Variants in TIMM22 observed in about 807,000 individuals in gnomAD.
TIMM22 encodes the protein mitochondrial import inner membrane translocase subunit Tim22.
In TIMM22, 12 loss-of-function variants were observed where a neutral mutation model predicts 18.3. The ratio of observed to expected loss-of-function variants is 0.65; its 90% CI spans 0.42 to 1.06. The LOEUF (loss-of-function observed/expected upper bound fraction) is 1.06, where lower values mean the gene tolerates loss of function less well. Among genes scored for constraint, TIMM22 ranks in the 50% least tolerant of loss-of-function variants. The pLI is 0.00. For missense variants in TIMM22, 278 were observed against 252.8 expected (o/e 1.10, Z -0.68); for synonymous variants, 107 against 98.5 (o/e 1.09, Z -0.51).
intron 1 of TIMM22, among the ~76,000 whole-genome samples, chr17:998,003 T>C (rs2069701842): frequency 2.0e-5 from 3 of 152,214 alleles, no homozygotes; most frequent in Admixed American, 2.0e-4. Flanking sequence ...GCAGGAACAC[T>C]GCAGAGGAAG....
Position 1,001,399 on chromosome 17 carries a change from G to A in TIMM22, c.*311G>A. The A allele has an allele frequency of 3.1e-6, 1 of 324,090 alleles. No individual in the cohort carries two copies. Among genetic ancestry groups the A allele is most frequent in the Admixed American group, 4.4e-5 (1 of 22,562 alleles). The allele number at this position is 324,090 out of a possible 1,614,324, so 20.1% of individuals were successfully genotyped here. On this transcript the variant is annotated 3_prime_UTR_variant, in exon 4 of 4. Coordinates refer to ENST00000327158, the MANE Select transcript of TIMM22 (RefSeq NM_013337.4). ...CCACAAAGCTTCAGGCCTGACCACA[G>A]CTGGCCCTCTAGGTTGTTTGGTGTT...
At position 1,002,920 on chromosome 17, in the gene TIMM22, T is replaced by C. The variant is rs992150680; in HGVS notation, c.*1832T>C. Reference sequence around the variant, plus strand: ...GCCTATTCACTCGAGAGATGAATAGTTTCCTGTTTTCGATGGCTGGGGAGC... The same window carrying C: ...GCCTATTCACTCGAGAGATGAATAGCTTCCTGTTTTCGATGGCTGGGGAGC... On this transcript the variant is annotated 3_prime_UTR_variant, in exon 4 of 4. Transcript: ENST00000327158. The C allele has an allele frequency of 6.6e-6, 1 of 152,160 alleles. No individual in the cohort carries two copies. The highest frequency in any genetic ancestry group is 2.4e-5 in the African/African-American group (1 of 41,444). The allele number at this position is 152,160 out of a possible 1,614,324, so 9.4% of individuals were successfully genotyped here.
rs1357316013 is a variant in TIMM22, at chr17:1,002,766, A to T, written c.*1678A>T. ...CTGTCAAAGTCCTAGGATGCCTGGG[A>T]TCTTCCATCTTTCAGTCTAGCACGT... is the stretch of plus-strand genomic sequence containing the variant. On this transcript the variant is annotated 3_prime_UTR_variant, in exon 4 of 4. Transcript: ENST00000327158. 1 of 152,282 alleles carries T rather than the reference A, an allele frequency of 6.6e-6. No individual in the cohort carries two copies. Among genetic ancestry groups the T allele is most frequent in the Non-Finnish European group, 1.5e-5 (1 of 68,032 alleles). 9.4% of individuals were successfully genotyped at this position (152,282 alleles called of 1,614,324 possible).
intron 1 of TIMM22, among the ~76,000 whole-genome samples, chr17:998,299 C>T (rs1021837354): frequency 3.3e-5 from 5 of 152,210 alleles, no homozygotes; most frequent in Non-Finnish European, 5.9e-5. Flanking sequence ...AGCTGTGTGG[C>T]CTTGGGAGAA....
intron 1 of TIMM22, among the ~76,000 whole-genome samples, chr17:998,155 A>C (rs1407748338): frequency 6.6e-6 from 1 of 152,162 alleles, no homozygotes. Context: ...TTTTTCCCTT[A>C]AGTTGAAGGG....
chr17:1,000,910 T>G (rs1650852587), intron 3 of TIMM22, 102 bp from the exon 4 acceptor site: 1 of 1,154,258 alleles, frequency 8.7e-7, no homozygotes, highest in South Asian at 1.2e-5. Context: ...CTTACAGTGC[T>G]TAAGCTCATT....
Position 1,003,028 on chromosome 17 carries a change from C to T in TIMM22, c.*1940C>T, listed in dbSNP as rs7219458. On this transcript the variant is annotated 3_prime_UTR_variant, in exon 4 of 4. Transcript: ENST00000327158. ...GAATAAACTCAGTGTCCAGTTGCTT[C>T]GGCTGGTGGGAGCCAATATTCACGC... The T allele has an allele frequency of 0.78, 119,159 of 152,004 alleles. 46,890 individuals carry two copies. Among genetic ancestry groups the T allele is most frequent in the Middle Eastern group, 0.86 (253 of 294 alleles). The allele number at this position is 152,004 out of a possible 1,614,324, so 9.4% of individuals were successfully genotyped here. A position where few individuals can be genotyped will look rare whatever the true frequency, so the allele number is the denominator to read the frequency against.
Position 1,003,647 on chromosome 17 carries a change from CT to C in TIMM22, c.*2561del, listed in dbSNP as rs1290312206. On this transcript the variant is annotated 3_prime_UTR_variant, in exon 4 of 4. Transcript: ENST00000327158. ...AGACAAAAAAATATATCCTTACCAACTTATTAAAGTCAGATATTCATGAAGG... is the reference window on the plus strand; with the variant it reads ...AGACAAAAAAATATATCCTTACCAACTATTAAAGTCAGATATTCATGAAGG... The C allele has an allele frequency of 6.6e-6, 1 of 152,490 alleles. No homozygotes were observed. The highest frequency in any genetic ancestry group is 1.5e-5 in the Non-Finnish European group (1 of 68,046). 9.4% of individuals were successfully genotyped at this position (152,490 alleles called of 1,614,324 possible). A position where few individuals can be genotyped will look rare whatever the true frequency, so the allele number is the denominator to read the frequency against.
In TIMM22 at chr17:1,002,179, T is replaced by C. The variant is rs1450993328; in HGVS notation, c.*1091T>C. 6.6e-6 allele frequency: 1 copy of C among 150,628 alleles called. No individual in the cohort carries two copies. Among genetic ancestry groups the C allele is most frequent in the African/African-American group, 2.4e-5 (1 of 41,018 alleles). 9.3% of individuals were successfully genotyped at this position (150,628 alleles called of 1,614,324 possible). Reference sequence around the variant, plus strand: ...AAAAAAAAAAAAAATCCGTCTACAGTTGGGCTTCAGCACTGGTGCTGCTTT... The same window carrying C: ...AAAAAAAAAAAAAATCCGTCTACAGCTGGGCTTCAGCACTGGTGCTGCTTT... On this transcript the variant is annotated 3_prime_UTR_variant, in exon 4 of 4. Transcript: ENST00000327158.
rs57081954 is a variant in TIMM22 at position 999,323 on chromosome 17, CTATATATA to C, written c.436-160_436-153del. ...TGCAGGAAGCATCTATGAACGCATA[CTATATATA>C]TATATATATATATATATATATATAT... On this transcript the variant is annotated intron_variant, in intron 2 of 3. Coordinates refer to ENST00000327158, the MANE Select transcript of TIMM22 (RefSeq NM_013337.4). Among the ~76,000 whole-genome samples, 787 of 120,554 alleles carry C rather than the reference CTATATATA, an allele frequency of 6.5e-3. 27 individuals are homozygous for C. Among genetic ancestry groups the C allele is most frequent in the African/African-American group, 0.023 (620 of 26,772 alleles). 79.1% of individuals were successfully genotyped at this position (120,554 alleles called of 152,430 possible). A position where few individuals can be genotyped will look rare whatever the true frequency, so the allele number is the denominator to read the frequency against.
At chr17:1,000,674 A>G (rs1442826552) in intron 3 of TIMM22, among the ~76,000 whole-genome samples, 1 of 152,194 alleles carries the variant, frequency 6.6e-6, no homozygotes, top group Non-Finnish European at 1.5e-5. Context: ...TCACCTTCCC[A>G]GGAATGTATT....
chr17:1,001,428 G>A lies in TIMM22; in HGVS notation c.*340G>A, dbSNP rs1235326543. The A allele has an allele frequency of 1.1e-5, 3 of 270,886 alleles. No homozygotes were observed. Among genetic ancestry groups the A allele is most frequent in the Admixed American group, 9.8e-5 (2 of 20,426 alleles). The allele number at this position is 270,886 out of a possible 1,614,324, so 16.8% of individuals were successfully genotyped here. On this transcript the variant is annotated 3_prime_UTR_variant, in exon 4 of 4. Coordinates refer to ENST00000327158, the MANE Select transcript of TIMM22 (RefSeq NM_013337.4). The stretch of plus-strand genomic sequence containing the variant: ...GCCCTCTAGGTTGTTTGGTGTTGTG[G>A]GCACAGAGGTGACAGTGTCTCTGCA...
At chr17:999,458 A>C (rs2069720904) in intron 2 of TIMM22, 54 bp from the exon 3 acceptor site, 16 of 1,590,998 alleles carry the variant, frequency 1.0e-5, no homozygotes, top group Non-Finnish European at 1.4e-5. Context: ...TTCCTCCTTA[A>C]TGGTCTGCCT....
At position 997,364 on chromosome 17, in the gene TIMM22, G is replaced by T. The variant is rs192171554; in HGVS notation, c.222G>T (p.Ala74=). The T allele has an allele frequency of 1.2e-6, 2 of 1,613,126 alleles. No individual in the cohort carries two copies. Among genetic ancestry groups the T allele is most frequent in the African/African-American group, 1.3e-5 (1 of 75,054 alleles). Residue 74 remains alanine (A), a synonymous_variant, in exon 1 of 4, where the codon GCG becomes GCT. Transcript: ENST00000327158. ...TGGAAAGCTGCGCTTTCAAGGCTGC[G>T]CTGGCCTGCGTGGGAGGTGAGGCCG... The part of the protein sequence containing the change: ...KAMESCAFKA[A]LACVGGFVLG...
At chr17:999,358 T>TATATATATACACAC (rs1408779709) in intron 2 of TIMM22, among the ~76,000 whole-genome samples, 154 bp from the exon 3 acceptor site, 4 of 132,588 alleles carry the variant, frequency 3.0e-5, no homozygotes, top group African/African-American at 1.3e-4. Flanking sequence ...TATATATATA[T>TATATATATACACAC]ACACGCTGTA....
chr17:997,518 C>G, intron 1 of TIMM22, 138 bp downstream of exon 1: 1 of 806,226 alleles, frequency 1.2e-6, no homozygotes, highest in Non-Finnish European at 1.9e-6. Context: ...GTTCGTGAAT[C>G]GGGCGTCACC....
chr17:999,245 A>T (rs199976304), intron 2 of TIMM22, among the ~76,000 whole-genome samples: 1 of 150,354 alleles, frequency 6.7e-6, no homozygotes, highest in East Asian at 1.9e-4. Context: ...CCCTTGAAGA[A>T]ATTTTGATTA....
At chr17:1,000,343 AAAAG>A (rs1395408920) in intron 3 of TIMM22, among the ~76,000 whole-genome samples, 1 of 151,946 alleles carries the variant, frequency 6.6e-6, no homozygotes, top group African/African-American at 2.4e-5. Context: ...AAAAAAAAAA[AAAAG>A]AAAACCAATT....
intron 2 of TIMM22, among the ~76,000 whole-genome samples, 175 bp from the exon 3 acceptor site, chr17:999,337 A>C (rs1188577713): frequency 7.4e-4 from 102 of 137,188 alleles, no homozygotes; most frequent in Non-Finnish European, 1.0e-3. Flanking sequence ...ATATATATAT[A>C]TATATATATA....
Sources: allele counts gnomAD v4.1 joint callset (sites outside exome capture counted in the v4.1 genomes callset), GRCh38; gene constraint gnomAD v4.1.1; transcripts MANE v1.5; gene names NCBI Gene and HGNC (gene_info 2026-07-23, HGNC 2026-07-21).